RPUSD3: variants seen among roughly 807,000 people sequenced by gnomAD.
The protein encoded by RPUSD3 is RNA pseudouridine synthase D3.
A neutral mutation model predicts 35.1 loss-of-function variants in RPUSD3; 36 were observed. That is an observed-to-expected ratio of 1.02 (90% CI 0.79 to 1.35). RPUSD3 has a LOEUF of 1.35. Among genes scored for constraint, RPUSD3 ranks in the 40% most tolerant of loss-of-function variants. The pLI, the probability that RPUSD3 is intolerant of heterozygous loss-of-function variation, is 0.00. For missense variants in RPUSD3, 486 were observed against 441.9 expected, an observed-to-expected ratio of 1.10 and a Z score of -0.89; for synonymous variants, 202 against 187.8, an observed-to-expected ratio of 1.08 and a Z score of -0.62.
chr3:9,840,801 T>C (rs1225959264), exon 5 of RPUSD3: 1 of 1,611,782 alleles, frequency 6.2e-7, no homozygotes, highest in Non-Finnish European at 8.5e-7. Flanking sequence ...AGCCCAGAGC[T>C]TTCTCTGGAA....
At chr3:9,842,976 C>A (rs1234183479) in intron 2 of RPUSD3, 1 of 163,132 alleles carries the variant, frequency 6.1e-6, no homozygotes, top group Non-Finnish European at 1.4e-5. Context: ...ACTGCAACCT[C>A]TGCTATCCGG....
At chr3:9,839,969 C>T (rs2082079193) in intron 7 of RPUSD3, 1 of 482,248 alleles carries the variant, frequency 2.1e-6, no homozygotes, top group Non-Finnish European at 3.7e-6. Flanking sequence ...CAACTTCTGC[C>T]TCCCAGGTTC....
In RPUSD3 at chr3:9,840,156, T is replaced by C. The variant is rs536107676; in HGVS notation, c.724+28A>G. ...CAGCCTCCCAAATCAAGTGCAGTTTTAAAGGCTGGCTAGGGTGCCAGACCT... is the reference window on the plus strand; with the variant it reads ...CAGCCTCCCAAATCAAGTGCAGTTTCAAAGGCTGGCTAGGGTGCCAGACCT... On this transcript the variant is annotated intron_variant, in intron 7 of 8. Coordinates refer to ENST00000383820, the Ensembl canonical transcript of RPUSD3. 34 of 1,602,340 alleles carry C rather than the reference T, an allele frequency of 2.1e-5. No individual in the cohort carries two copies. The South Asian group carries it at 2.3e-4, about 11-fold the overall frequency.
chr3:9,840,839 T>G, intron 4 of RPUSD3, 34 bp from the exon 5 acceptor site: 1 of 1,530,842 alleles, frequency 6.5e-7, no homozygotes, highest in Non-Finnish European at 9.0e-7. Flanking sequence ...CAAGTTAAAG[T>G]CCCTTGAACT....
At chr3:9,838,132 G>C in exon 9 of RPUSD3, 3 of 1,612,534 alleles carry the variant, frequency 1.9e-6, no homozygotes, top group East Asian at 2.2e-5. Flanking sequence ...AGCCGATGTA[G>C]GTGGAGGTGC....
In RPUSD3 at chr3:9,843,949, C is replaced by T. The variant is rs1331357441; in HGVS notation, c.66G>A (p.Trp22Ter). ...CTGGGCGGACACCCAGGCCCCGCCG[C>T]CAGCCACTCCAGAACCGGCCCAAAA... Residue 22 changes from tryptophan to a stop codon, truncating the protein, a stop_gained, in exon 1 of 9, where the codon TGG (tryptophan) becomes TGA (stop). Coordinates refer to ENST00000383820, the Ensembl canonical transcript of RPUSD3. LOFTEE classifies it high-confidence loss of function. The T allele has an allele frequency of 4.4e-6, 7 of 1,607,034 alleles. No individual in the cohort carries two copies. Among genetic ancestry groups the T allele is most frequent in the Non-Finnish European group, 5.9e-6 (7 of 1,178,390 alleles).
chr3:9,838,839 A>G lies in RPUSD3; in HGVS notation c.864+193T>C, dbSNP rs1174571004. 3 of 648,074 alleles carry G rather than the reference A, an allele frequency of 4.6e-6. No individual in the cohort carries two copies. The African/African-American group carries it at 5.5e-5, about 12-fold the overall frequency. 40.1% of individuals were successfully genotyped at this position (648,074 alleles called of 1,614,324 possible). On this transcript the variant is annotated intron_variant, in intron 8 of 8. Coordinates refer to ENST00000383820, the Ensembl canonical transcript of RPUSD3. ...CAACTCCCTTATTGAACACATGGAC[A>G]GAATGAAGCCCAAGAGAGTGAGTGT...
At chr3:9,837,997 G>A (rs2082045568) in exon 9 of RPUSD3, 2 of 1,544,722 alleles carry the variant, frequency 1.3e-6, no homozygotes, top group Middle Eastern at 1.7e-4. Context: ...GTGTGAGGGG[G>A]TCAGGAACAG....
At chr3:9,843,902 C>A in exon 1 of RPUSD3, 1 of 1,604,888 alleles carries the variant, frequency 6.2e-7, no homozygotes, top group South Asian at 1.1e-5. Flanking sequence ...GGCTTCGGTG[C>A]CAAAGCCTGC....
chr3:9,840,460 C>T, intron 6 of RPUSD3, 72 bp downstream of exon 6: 1 of 1,592,932 alleles, frequency 6.3e-7, no homozygotes, highest in Non-Finnish European at 8.6e-7. Flanking sequence ...ATCCCAAATC[C>T]ATACCCCTGA....
At chr3:9,839,470 G>A (rs2082071238) in intron 7 of RPUSD3, 1 of 241,138 alleles carries the variant, frequency 4.1e-6, no homozygotes, top group Non-Finnish European at 8.0e-6. Context: ...GCCTGAAGCT[G>A]CCTCCTCTAG....
chr3:9,842,146 C>G lies in RPUSD3; in HGVS notation c.307+53G>C. The G allele has an allele frequency of 5.0e-6, 8 of 1,612,824 alleles. No homozygotes were observed. In the South Asian group the frequency reaches 5.5e-5, roughly 11 times the overall value. On this transcript the variant is annotated intron_variant, in intron 3 of 8. Transcript: ENST00000383820. Reference sequence around the variant, plus strand: ...TTCATGCCTTCACTTTTCCCTCCCTCAGTCACGAAACCCCCTTCCGCTGCA... The same window carrying G: ...TTCATGCCTTCACTTTTCCCTCCCTGAGTCACGAAACCCCCTTCCGCTGCA...
At chr3:9,842,477 C>T (rs2082118363) in intron 2 of RPUSD3, 1 of 589,624 alleles carries the variant, frequency 1.7e-6, no homozygotes, top group Non-Finnish European at 3.0e-6. Context: ...TCCCTATCAT[C>T]TTGGCTCAAA....
chr3:9,840,249 A>T, exon 7 of RPUSD3: 1 of 1,614,160 alleles, frequency 6.2e-7, no homozygotes, highest in East Asian at 2.2e-5. Context: ...AAAGTGACTG[A>T]GAGTCTTCTT....
At chr3:9,841,945 G>A in intron 4 of RPUSD3, 38 bp downstream of exon 4, 1 of 1,537,720 alleles carries the variant, frequency 6.5e-7, no homozygotes, top group Non-Finnish European at 9.0e-7. Context: ...ACAGATGGAT[G>A]CCTGTACTCC....
At chr3:9,841,749 G>GT (rs1158905784) in intron 4 of RPUSD3, 3 of 422,618 alleles carry the variant, frequency 7.1e-6, no homozygotes, top group African/African-American at 6.0e-5. Context: ...GATTACAGGT[G>GT]TGAGTCACTG....
intron 5 of RPUSD3, 33 bp downstream of exon 5, chr3:9,840,665 C>G (rs1293020398): frequency 1.2e-6 from 2 of 1,612,448 alleles, no homozygotes; most frequent in Non-Finnish European, 1.7e-6. Context: ...TGGGACCTCC[C>G]CACCACTCTA....
At chr3:9,839,766 C>G (rs1466399893) in intron 7 of RPUSD3, 2 of 162,894 alleles carry the variant, frequency 1.2e-5, no homozygotes, top group African/African-American at 4.8e-5. Context: ...TTAGTAGAGA[C>G]AGGGTTTCAC....
exon 9 of RPUSD3, chr3:9,837,887 A>T: frequency 1.0e-6 from 1 of 962,116 alleles, no homozygotes; most frequent in Non-Finnish European, 1.5e-6. Context: ...CCAGAGAGGT[A>T]AAGTTACTTG....
Sources: allele counts gnomAD v4.1 joint callset, GRCh38; gene constraint gnomAD v4.1.1; transcripts MANE v1.5; gene names NCBI Gene and HGNC (gene_info 2026-07-23, HGNC 2026-07-21).